NHSL2: variants seen among roughly 807,000 people sequenced by gnomAD.
The protein encoded by NHSL2 is NHS like 2, also known as NHS-like protein 2.
Under a neutral mutation model 53.4 loss-of-function variants are expected in NHSL2, and 27 were observed. The observed-to-expected ratio is 0.51, with a 90% CI of 0.37 to 0.70. NHSL2 has a LOEUF of 0.70. NHSL2 is among the 30% of genes least tolerant of loss of function. NHSL2 has a pLI of 0.00. For missense variants in NHSL2, 892 were observed against 980.1 expected, an observed-to-expected ratio of 0.91 and a Z score of 1.20; for synonymous variants, 408 against 404.1, an observed-to-expected ratio of 1.01 and a Z score of -0.12.
Position 72,144,533 on chromosome X carries a change from T to C in NHSL2, c.*959T>C, listed in dbSNP as rs1556378887. 1.9e-6 allele frequency: 2 copies of C among 1,026,002 alleles called. No homozygotes were observed. The highest frequency in any genetic ancestry group is 2.6e-6 in the Non-Finnish European group (2 of 777,285). 84.6% of individuals were successfully genotyped at this position (1,026,002 alleles called of 1,213,427 possible). ...AGCATCATCAAAGGCTCAAGGATAA[T>C]GGAAAGTAAGTGCATCTTGCCCCCC... On this transcript the variant is annotated 3_prime_UTR_variant, in exon 8 of 8. Coordinates refer to ENST00000633930, the MANE Select transcript of NHSL2 (RefSeq NM_001013627.3).
intron 1 of NHSL2, among the ~76,000 whole-genome samples, chrX:72,105,228 G>C (rs1239144916): frequency 9.1e-6 from 1 of 109,887 alleles, no homozygotes; most frequent in Admixed American, 9.7e-5. Context: ...TCAACCGTGA[G>C]CCATGGACCA....
chrX:71,927,411 A>T (rs2041691218), intron 1 of NHSL2, among the ~76,000 whole-genome samples: 1 of 112,217 alleles, frequency 8.9e-6, no homozygotes, highest in Non-Finnish European at 1.9e-5. Flanking sequence ...TTGCACCTAG[A>T]GTTGGTTTAA....
chrX:71,990,115 A>C (rs1400423205), intron 1 of NHSL2, among the ~76,000 whole-genome samples: 1 of 112,101 alleles, frequency 8.9e-6, no homozygotes. Flanking sequence ...AGTGGGGGAC[A>C]AAAAGAGTTC....
chrX:71,921,944 A>G (rs188959687), intron 1 of NHSL2, among the ~76,000 whole-genome samples: 25 of 112,096 alleles, frequency 2.2e-4, no homozygotes, highest in African/African-American at 7.4e-4. Flanking sequence ...TATTATCCAC[A>G]TTTGTATTTT....
intron 1 of NHSL2, among the ~76,000 whole-genome samples, chrX:72,004,165 G>A (rs2042083444): frequency 8.9e-6 from 1 of 112,519 alleles, no homozygotes; most frequent in Non-Finnish European, 1.9e-5. Flanking sequence ...GATGGTGGAG[G>A]GGAGGGGCTA....
intron 1 of NHSL2, among the ~76,000 whole-genome samples, chrX:71,929,828 C>T (rs886135543): frequency 1.9e-4 from 21 of 109,943 alleles, no homozygotes; most frequent in Middle Eastern, 4.7e-3. Flanking sequence ...GATTATGGCT[C>T]GCTGCAGCCT....
intron 1 of NHSL2, among the ~76,000 whole-genome samples, chrX:72,050,914 A>G (rs1381115397): frequency 6.4e-5 from 7 of 109,142 alleles, no homozygotes; most frequent in African/African-American, 2.3e-4. Flanking sequence ...CAAAACAAAA[A>G]CCAAACCAAA....
Position 72,132,195 on chromosome X carries a change from C to T in NHSL2, c.397C>T (p.Leu133Phe). 1 of 1,165,614 alleles carries T rather than the reference C, an allele frequency of 8.6e-7. No homozygotes were observed. The highest frequency in any genetic ancestry group is 1.1e-6 in the Non-Finnish European group (1 of 871,842). The change falls in exon 2 of 8, where the codon CTT (leucine) becomes TTT (phenylalanine). Residue 133 changes from leucine to phenylalanine, a missense_variant. Transcript: ENST00000633930. ...CAGGCCCCCGAGTGTAGAGGAGCTG[C>T]TTCGGGAGGCGCAGCTCAATCTCCA... ...SGRPPSVEEL[L>F]REAQLNLQSL...
intron 1 of NHSL2, among the ~76,000 whole-genome samples, chrX:72,041,913 G>A (rs890148845): frequency 1.2e-4 from 13 of 112,156 alleles, no homozygotes; most frequent in African/African-American, 4.2e-4. Context: ...ACATGAGAAC[G>A]GTGAGGTGAG....
intron 1 of NHSL2, chrX:72,131,443 C>T: frequency 1.7e-6 from 2 of 1,210,650 alleles, no homozygotes; most frequent in Non-Finnish European, 2.2e-6. Flanking sequence ...GAGCTGGAGG[C>T]CCAAATTGGC....
At chrX:71,957,790 A>G (rs1176779511) in intron 1 of NHSL2, among the ~76,000 whole-genome samples, 1 of 110,964 alleles carries the variant, frequency 9.0e-6, no homozygotes, top group African/African-American at 3.3e-5. Flanking sequence ...GACTGACTGA[A>G]TGAACTCTAA....
At chrX:72,128,850 G>T (rs2042253110) in intron 1 of NHSL2, 1 of 113,255 alleles carries the variant, frequency 8.8e-6, no homozygotes. Flanking sequence ...GCAGTCCAAG[G>T]CCTGGCAAGG....
At position 72,134,083 on chromosome X, in the gene NHSL2, T is replaced by C. The variant is rs2147517269; in HGVS notation, c.437-8T>C. ...TAGAGTGTGTGTCTCCACTGTGCTA[T>C]TTTTCAGAAGAATATGAGGAACAGT... On this transcript the variant is annotated splice_region_variant and splice_polypyrimidine_tract_variant and intron_variant, in intron 2 of 7. Coordinates refer to ENST00000633930, the MANE Select transcript of NHSL2 (RefSeq NM_001013627.3). 1 of 1,167,219 alleles carries C rather than the reference T, an allele frequency of 8.6e-7. No homozygotes were observed. The highest frequency in any genetic ancestry group is 3.3e-5 in the East Asian group (1 of 30,764).
intron 1 of NHSL2, among the ~76,000 whole-genome samples, chrX:71,940,843 A>G (rs1385850774): frequency 9.0e-6 from 1 of 111,319 alleles, no homozygotes; most frequent in Non-Finnish European, 1.9e-5. Flanking sequence ...GCCTAGTTGT[A>G]CCAGAGGCCC....
chrX:72,121,734 C>T (rs1023268219), intron 1 of NHSL2, among the ~76,000 whole-genome samples: 6 of 111,909 alleles, frequency 5.4e-5, no homozygotes, highest in African/African-American at 2.0e-4. Context: ...CCATGGACCT[C>T]CAAGGGGTGT....
chrX:72,142,131 C>A (rs2147531210), intron 6 of NHSL2, 101 bp from the exon 7 acceptor site: 2 of 623,759 alleles, frequency 3.2e-6, no homozygotes, highest in East Asian at 3.7e-5. Context: ...CCCTGCTGCC[C>A]TCACAGAGTT....
chrX:71,977,562 A>T (rs1186249726), intron 1 of NHSL2, among the ~76,000 whole-genome samples: 1 of 110,496 alleles, frequency 9.1e-6, no homozygotes, highest in East Asian at 2.8e-4. Flanking sequence ...CTGGGACTAC[A>T]GGTGTGTGCC....
chrX:71,990,277 C>T (rs1246019833), intron 1 of NHSL2, among the ~76,000 whole-genome samples: 1 of 111,808 alleles, frequency 8.9e-6, no homozygotes, highest in East Asian at 2.8e-4. Flanking sequence ...ACTCAATTTT[C>T]CATACTGAGG....
chrX:72,091,964 C>T (rs1322752279), intron 1 of NHSL2, among the ~76,000 whole-genome samples: 1 of 111,592 alleles, frequency 9.0e-6, no homozygotes, highest in Non-Finnish European at 1.9e-5. Context: ...TTTTAATTCA[C>T]TGTCACCACA....
Sources: allele counts gnomAD v4.1 joint callset (sites outside exome capture counted in the v4.1 genomes callset), GRCh38; gene constraint gnomAD v4.1.1; transcripts MANE v1.5; gene names NCBI Gene and HGNC (gene_info 2026-07-23, HGNC 2026-07-21).